COL19A1: variants seen among roughly 807,000 people sequenced by gnomAD.
COL19A1 encodes collagen type XIX alpha 1 chain.
Under a neutral mutation model 190.2 loss-of-function variants are expected in COL19A1, and 159 were observed. The ratio of observed to expected loss-of-function variants is 0.84; its 90% CI spans 0.73 to 0.95. The LOEUF (loss-of-function observed/expected upper bound fraction) is 0.95, where lower values mean the gene tolerates loss of function less well. Ranked by LOEUF, COL19A1 falls within the 40% of genes least tolerant of loss-of-function variation. The pLI, the probability that COL19A1 is intolerant of heterozygous loss-of-function variation, is 0.00. For synonymous variants in COL19A1, 509 were observed against 458.9 expected, an observed-to-expected ratio of 1.11 and a Z score of -1.39; for missense variants, 1,418 against 1,431.9, an observed-to-expected ratio of 0.99 and a Z score of 0.16.
At chr6:70,016,289 C>T (rs1228221799) in intron 11 of COL19A1, among the ~76,000 whole-genome samples, 16 of 62,738 alleles carry the variant, frequency 2.6e-4, no homozygotes, top group African/African-American at 9.4e-4. Context: ...GTGGGTGCAG[C>T]GCACAAGCAT....
At chr6:70,045,771 C>T (rs1032966196) in intron 14 of COL19A1, among the ~76,000 whole-genome samples, 1 of 152,138 alleles carries the variant, frequency 6.6e-6, no homozygotes, top group Non-Finnish European at 1.5e-5. Context: ...TTGCATTTGC[C>T]CTAAACTCTG....
intron 44 of COL19A1, 58 bp from the exon 45 acceptor site, chr6:70,184,645 G>A (rs1396001477): frequency 2.2e-6 from 3 of 1,352,430 alleles, no homozygotes; most frequent in Admixed American, 3.9e-5. Context: ...TTATGCTTTT[G>A]TTGTGTTTAA....
chr6:70,004,379 A>G (rs1777480455), intron 11 of COL19A1, among the ~76,000 whole-genome samples: 1 of 152,086 alleles, frequency 6.6e-6, no homozygotes, highest in Admixed American at 6.6e-5. Flanking sequence ...GGGGTATCTT[A>G]GTGGCATTCT....
intron 11 of COL19A1, among the ~76,000 whole-genome samples, chr6:69,995,578 A>G (rs1352765040): frequency 1.3e-5 from 2 of 152,078 alleles, no homozygotes; most frequent in Non-Finnish European, 2.9e-5. Flanking sequence ...ATCAAAGCAA[A>G]GACTATGTCT....
intron 18 of COL19A1, among the ~76,000 whole-genome samples, chr6:70,134,321 T>C (rs1785704610): frequency 6.6e-6 from 1 of 152,162 alleles, no homozygotes; most frequent in Non-Finnish European, 1.5e-5. Context: ...TCTCTTATAA[T>C]GTGGTAAGAA....
At chr6:69,940,650 G>T (rs1370325102) in intron 9 of COL19A1, among the ~76,000 whole-genome samples, 1 of 152,054 alleles carries the variant, frequency 6.6e-6, no homozygotes, top group East Asian at 1.9e-4. Context: ...AGAGATTTTA[G>T]TGGCAACGTA....
intron 11 of COL19A1, among the ~76,000 whole-genome samples, chr6:69,996,810 T>C (rs1776929438): frequency 6.6e-6 from 1 of 152,066 alleles, no homozygotes; most frequent in Non-Finnish European, 1.5e-5. Flanking sequence ...TAAGCTTATT[T>C]ACAACCTTTA....
rs1317057394 is a variant in COL19A1, at chr6:70,209,587, T to A, written c.*2313T>A. 2 of 152,240 alleles carry A rather than the reference T, an allele frequency of 1.3e-5. No homozygotes were observed. The highest frequency in any genetic ancestry group is 1.3e-4 in the Admixed American group (2 of 15,284). 9.4% of individuals were successfully genotyped at this position (152,240 alleles called of 1,614,324 possible). ...CATTAAGGCTTGACTGGTTAATTCC[T>A]ATTTCAAGGATTTGGATTTATTCAG... On this transcript the variant is annotated 3_prime_UTR_variant, in exon 51 of 51. Transcript: ENST00000620364.
chr6:69,871,886 G>A lies in COL19A1; in HGVS notation c.-33+5246G>A, dbSNP rs189246494. 4.1e-3 allele frequency among the ~76,000 whole-genome samples: 581 copies of A among 141,900 alleles called. 2 individuals carry two copies. Among genetic ancestry groups the A allele is most frequent in the Non-Finnish European group, 7.1e-3 (477 of 66,884 alleles). 93.1% of individuals were successfully genotyped at this position (141,900 alleles called of 152,430 possible). ...CTGGAGTGCAGTGCTGTGATCTTTC[G>A]GCTCACTGCAACCTCCGCCTCCCAG... On this transcript the variant is annotated intron_variant, in intron 1 of 50. Coordinates refer to ENST00000620364, the MANE Select transcript of COL19A1 (RefSeq NM_001858.6).
chr6:69,866,947 G>T (rs1050578889), intron 1 of COL19A1, among the ~76,000 whole-genome samples: 2 of 152,138 alleles, frequency 1.3e-5, no homozygotes, highest in African/African-American at 4.8e-5. Context: ...CTAAGTTCTA[G>T]GTGGTTTTTC....
chr6:70,166,132 A>G (rs1050043474), intron 37 of COL19A1, 147 bp downstream of exon 37: 25 of 722,594 alleles, frequency 3.5e-5, no homozygotes, highest in Middle Eastern at 2.9e-4. Flanking sequence ...ATGTAGCTTT[A>G]AAGAGACCTG....
chr6:70,167,672 A>G (rs1765245286), intron 37 of COL19A1, among the ~76,000 whole-genome samples: 1 of 152,214 alleles, frequency 6.6e-6, no homozygotes, highest in Admixed American at 6.5e-5. Flanking sequence ...AGCAGGCTGT[A>G]AACAGTTAGT....
chr6:70,098,088 C>T (rs79514868), intron 15 of COL19A1, among the ~76,000 whole-genome samples: 3,262 of 152,250 alleles, frequency 0.021, 118 homozygotes, highest in African/African-American at 0.073. Flanking sequence ...AGCCTTCTTC[C>T]TGTACCTACT....
intron 2 of COL19A1, among the ~76,000 whole-genome samples, chr6:69,897,066 G>A (rs1005036429): frequency 1.3e-5 from 2 of 152,162 alleles, no homozygotes; most frequent in Non-Finnish European, 2.9e-5. Context: ...GCTATCCCAA[G>A]TTCATGAAGA....
chr6:69,891,043 T>C (rs1009019447), intron 2 of COL19A1: 6 of 365,274 alleles, frequency 1.6e-5, no homozygotes, highest in African/African-American at 1.0e-4. Flanking sequence ...TCCAGTTGCA[T>C]GACCATTTGG....
At chr6:69,871,359 T>C (rs1378207726) in intron 1 of COL19A1, among the ~76,000 whole-genome samples, 1 of 152,184 alleles carries the variant, frequency 6.6e-6, no homozygotes, top group African/African-American at 2.4e-5. Context: ...CCTGGTGGAG[T>C]TACGTATGTA....
intron 14 of COL19A1, among the ~76,000 whole-genome samples, chr6:70,052,184 A>T (rs1169592452): frequency 6.6e-6 from 1 of 152,146 alleles, no homozygotes; most frequent in African/African-American, 2.4e-5. Context: ...CAGTGTACTA[A>T]ACCAAGTAGT....
intron 15 of COL19A1, among the ~76,000 whole-genome samples, chr6:70,070,544 T>A (rs1230201557): frequency 2.6e-5 from 4 of 152,148 alleles, no homozygotes; most frequent in Non-Finnish European, 4.4e-5. Flanking sequence ...TTATTGACAT[T>A]ATCCACATTT....
intron 1 of COL19A1, among the ~76,000 whole-genome samples, chr6:69,875,248 A>C (rs923686897): frequency 3.3e-4 from 50 of 152,346 alleles, no homozygotes; most frequent in Middle Eastern, 6.8e-3. Flanking sequence ...CAATTTCATC[A>C]CTGGAAAGAA....
Sources: gnomAD v4.1 joint callset for allele counts (sites outside exome capture counted in the v4.1 genomes callset) on GRCh38, gnomAD v4.1.1 for gene constraint, MANE v1.5 for transcripts, NCBI Gene and HGNC (gene_info 2026-07-23, HGNC 2026-07-21) for gene names.